Variants in SORCS1 observed in about 807,000 individuals in gnomAD.
SORCS1 encodes the protein sortilin related VPS10 domain containing receptor 1.
In SORCS1, 60 loss-of-function variants were observed where a neutral mutation model predicts 146.1. The ratio of observed to expected loss-of-function variants is 0.41; its 90% CI spans 0.33 to 0.51. SORCS1 has a LOEUF of 0.51. Among genes scored for constraint, SORCS1 ranks in the 20% least tolerant of loss-of-function variants. SORCS1 has a pLI of 0.21. For synonymous variants in SORCS1, 637 were observed against 584.0 expected (o/e 1.09, Z -1.31); for missense variants, 1,352 against 1,487.6 (o/e 0.91, Z 1.50).
chr10:106,587,566 C>T (rs1370146368), intron 24 of SORCS1, among the ~76,000 whole-genome samples: 1 of 152,238 alleles, frequency 6.6e-6, no homozygotes, highest in Non-Finnish European at 1.5e-5. Flanking sequence ...TTCTTATTCC[C>T]TCCCAAATTT....
At chr10:106,962,531 A>C (rs1006797335) in intron 1 of SORCS1, among the ~76,000 whole-genome samples, 2 of 152,152 alleles carry the variant, frequency 1.3e-5, no homozygotes, top group African/African-American at 4.8e-5. Flanking sequence ...CAAATCTCAA[A>C]AGAAACAAAA....
intron 1 of SORCS1, among the ~76,000 whole-genome samples, chr10:107,047,564 A>G (rs1342626082): frequency 6.6e-6 from 1 of 152,178 alleles, no homozygotes. Context: ...TTTTTGTTAA[A>G]GTTGCTCTTA....
intron 2 of SORCS1, among the ~76,000 whole-genome samples, chr10:106,907,028 G>C (rs182462224): frequency 2.6e-5 from 4 of 152,286 alleles, no homozygotes; most frequent in Non-Finnish European, 4.4e-5. Flanking sequence ...GATTGAAAAA[G>C]AATGATAATA....
intron 3 of SORCS1, among the ~76,000 whole-genome samples, chr10:106,826,991 C>A (rs1182048930): frequency 6.6e-6 from 1 of 152,120 alleles, no homozygotes; most frequent in Non-Finnish European, 1.5e-5. Context: ...AATTATGCAG[C>A]CTGATTCATG....
At chr10:106,790,161 T>A (rs912775699) in intron 3 of SORCS1, among the ~76,000 whole-genome samples, 2 of 152,216 alleles carry the variant, frequency 1.3e-5, no homozygotes, top group Non-Finnish European at 2.9e-5. Flanking sequence ...AAACAATTGA[T>A]ACTGGACTTA....
chr10:106,665,073 A>T (rs1453948147), intron 17 of SORCS1, among the ~76,000 whole-genome samples: 1 of 152,184 alleles, frequency 6.6e-6, no homozygotes, highest in Non-Finnish European at 1.5e-5. Context: ...ATCATAGCTT[A>T]TTCCTTTATT....
chr10:106,959,281 C>T (rs1955110614), intron 1 of SORCS1, among the ~76,000 whole-genome samples: 1 of 152,334 alleles, frequency 6.6e-6, no homozygotes, highest in Non-Finnish European at 1.5e-5. Flanking sequence ...TCCTTTATGA[C>T]ATTTGAAAGC....
chr10:107,064,029 T>C (rs930356664), intron 1 of SORCS1, among the ~76,000 whole-genome samples: 5 of 152,218 alleles, frequency 3.3e-5, no homozygotes, highest in African/African-American at 7.2e-5. Context: ...ACCATCTTCA[T>C]TATTTATACC....
intron 1 of SORCS1, among the ~76,000 whole-genome samples, chr10:107,138,582 A>C (rs968856812): frequency 6.6e-6 from 1 of 152,212 alleles, no homozygotes; most frequent in Non-Finnish European, 1.5e-5. Context: ...TCACATTTAC[A>C]TTTTATTTCT....
At chr10:107,036,985 C>T (rs1958932963) in intron 1 of SORCS1, among the ~76,000 whole-genome samples, 1 of 152,144 alleles carries the variant, frequency 6.6e-6, no homozygotes, top group Non-Finnish European at 1.5e-5. Flanking sequence ...GTGGCTCATG[C>T]CTGTAATCCC....
intron 3 of SORCS1, among the ~76,000 whole-genome samples, chr10:106,787,957 G>T (rs1946133190): frequency 6.6e-6 from 1 of 152,174 alleles, no homozygotes. Context: ...GAGCTGCCTT[G>T]ATCATATGAA....
At chr10:106,596,542 C>T (rs1292970828) in intron 24 of SORCS1, among the ~76,000 whole-genome samples, 1 of 152,118 alleles carries the variant, frequency 6.6e-6, no homozygotes, top group African/African-American at 2.4e-5. Flanking sequence ...CCCATCCTCA[C>T]CACCACCTTC....
At chr10:107,131,506 T>G (rs935767925) in intron 1 of SORCS1, among the ~76,000 whole-genome samples, 3 of 152,094 alleles carry the variant, frequency 2.0e-5, no homozygotes, top group Non-Finnish European at 4.4e-5. Context: ...GTGGATTACC[T>G]GAGGTGAGGA....
chr10:107,151,918 A>G (rs1254599889), intron 1 of SORCS1, among the ~76,000 whole-genome samples: 1 of 152,162 alleles, frequency 6.6e-6, no homozygotes, highest in Admixed American at 6.5e-5. Flanking sequence ...TCACAAAGAC[A>G]ATGGGAAAAA....
At chr10:106,884,135 T>C (rs552765148) in intron 2 of SORCS1, among the ~76,000 whole-genome samples, 3 of 152,334 alleles carry the variant, frequency 2.0e-5, no homozygotes, top group Non-Finnish European at 2.9e-5. Flanking sequence ...TCCTTCTTTC[T>C]TTCTCTCATT....
chr10:106,672,406 G>A (rs1206620589), intron 15 of SORCS1, among the ~76,000 whole-genome samples: 1 of 152,134 alleles, frequency 6.6e-6, no homozygotes, highest in Non-Finnish European at 1.5e-5. Flanking sequence ...GAGGCAAAAA[G>A]TACCATATAG....
intron 1 of SORCS1, among the ~76,000 whole-genome samples, chr10:106,964,781 A>C (rs2139111712): frequency 6.6e-6 from 1 of 151,854 alleles, no homozygotes; most frequent in Non-Finnish European, 1.5e-5. Flanking sequence ...CCACTGCACC[A>C]GGCCTAATTT....
At chr10:107,036,329 C>T (rs948928776) in intron 1 of SORCS1, among the ~76,000 whole-genome samples, 1 of 152,058 alleles carries the variant, frequency 6.6e-6, no homozygotes, top group African/African-American at 2.4e-5. Flanking sequence ...AAATAGTACA[C>T]CATTTACATA....
At chr10:106,785,443 C>T (rs1180947088) in intron 3 of SORCS1, among the ~76,000 whole-genome samples, 1 of 152,124 alleles carries the variant, frequency 6.6e-6, no homozygotes, top group Non-Finnish European at 1.5e-5. Flanking sequence ...TCATGTGATG[C>T]CCCTGTACAT....
Sources: allele counts gnomAD v4.1 joint callset (sites outside exome capture counted in the v4.1 genomes callset), GRCh38; gene constraint gnomAD v4.1.1; transcripts MANE v1.5; gene names NCBI Gene and HGNC (gene_info 2026-07-23, HGNC 2026-07-21).